GFRA2: variants seen among roughly 807,000 people sequenced by gnomAD.
The protein encoded by GFRA2 is GDNF family receptor alpha 2, also known as GDNF family receptor alpha-2.
GFRA2 carries 17 observed loss-of-function variants against 48.3 expected under a neutral mutation model. The observed-to-expected ratio is 0.35, with a 90% CI of 0.24 to 0.53. The LOEUF (loss-of-function observed/expected upper bound fraction) is 0.53. Ranked by LOEUF, GFRA2 falls within the 20% of genes least tolerant of loss-of-function variation. The pLI, the probability that GFRA2 is intolerant of heterozygous loss-of-function variation, is 0.93. For synonymous variants in GFRA2, 305 were observed against 257.2 expected, an observed-to-expected ratio of 1.19 and a Z score of -1.78; for missense variants, 660 against 637.3, an observed-to-expected ratio of 1.04 and a Z score of -0.38.
intron 7 of GFRA2, among the ~76,000 whole-genome samples, chr8:21,697,154 AGGGACAGAGGATAGGGGAG>A (rs1563211880): frequency 6.9e-5 from 8 of 115,596 alleles, no homozygotes; most frequent in African/African-American, 9.8e-5. Context: ...GGAGAGGGGA[AGGGACAGAGGATAGGGGAG>A]GGGACAGAGG....
At chr8:21,769,266 C>T in intron 3 of GFRA2, 1 of 507,528 alleles carries the variant, frequency 2.0e-6, no homozygotes, top group Non-Finnish European at 2.4e-6. Flanking sequence ...CCGCCCCTGC[C>T]CTGCCCCTTC....
chr8:21,796,400 G>GC (rs1363963841), intron 2 of GFRA2, among the ~76,000 whole-genome samples: 7 of 152,084 alleles, frequency 4.6e-5, no homozygotes, highest in African/African-American at 2.4e-5. Flanking sequence ...GCTGCCTGAC[G>GC]CCCCCCGCAG....
At chr8:21,804,341 C>T (rs927161108) in intron 2 of GFRA2, among the ~76,000 whole-genome samples, 35 of 151,518 alleles carry the variant, frequency 2.3e-4, no homozygotes, top group Middle Eastern at 3.4e-3. Context: ...ATTTCCTCAT[C>T]GGCAAAACGG....
upstream of GFRA2, among the ~76,000 whole-genome samples, chr8:21,793,827 C>T (rs1807620705): frequency 6.6e-6 from 1 of 151,662 alleles, no homozygotes; most frequent in Admixed American, 6.6e-5. Flanking sequence ...CCTCCCTTCC[C>T]TATCCACAAA....
At chr8:21,719,681 C>T (rs1238517855) in intron 4 of GFRA2, among the ~76,000 whole-genome samples, 1 of 152,180 alleles carries the variant, frequency 6.6e-6, no homozygotes, top group Non-Finnish European at 1.5e-5. Context: ...GGTAGCCAGC[C>T]AGCTGAAAGA....
At position 21,705,107 on chromosome 8, in the gene GFRA2, T is replaced by C. The variant is rs1211997162; in HGVS notation, c.923A>G (p.Asn308Ser). ...GCCAGTGGGGCTGGAGTCCACATAGTTAGGTGTCATGTCAAACCCTGGGCA... is the reference window on the plus strand; with the variant it reads ...GCCAGTGGGGCTGGAGTCCACATAGCTAGGTGTCATGTCAAACCCTGGGCA... ...AGMIGFDMTP[N>S]YVDSSPTGIV... The change falls in exon 6 of 9, where the codon AAC becomes AGC. Residue 308 changes from asparagine to serine, a missense_variant. By Grantham distance (46) the Asn-to-Ser change is conservative. Transcript: ENST00000524240. 1.2e-6 allele frequency: 2 copies of C among 1,610,666 alleles called. No individual in the cohort carries two copies. The highest frequency in any genetic ancestry group is 1.7e-6 in the Non-Finnish European group (2 of 1,179,132).
intron 3 of GFRA2, among the ~76,000 whole-genome samples, chr8:21,767,667 G>A (rs1194468305): frequency 2.0e-5 from 3 of 152,316 alleles, no homozygotes; most frequent in South Asian, 2.1e-4. Flanking sequence ...CCTCACACAC[G>A]GAAGGAGAAG....
intron 4 of GFRA2, among the ~76,000 whole-genome samples, chr8:21,721,881 C>A (rs1803615541): frequency 1.3e-5 from 2 of 152,174 alleles, no homozygotes; most frequent in Non-Finnish European, 2.9e-5. Flanking sequence ...CTCGGAGTCA[C>A]AGGCTTCAGG....
chr8:21,739,617 C>T (rs562788313), intron 4 of GFRA2, among the ~76,000 whole-genome samples: 3 of 152,292 alleles, frequency 2.0e-5, no homozygotes, highest in East Asian at 1.9e-4. Flanking sequence ...GACACCCAGG[C>T]GCCACAAGCC....
intron 7 of GFRA2, among the ~76,000 whole-genome samples, chr8:21,699,888 G>C (rs1427595748): frequency 6.6e-6 from 1 of 152,238 alleles, no homozygotes; most frequent in Admixed American, 6.5e-5. Flanking sequence ...CAGCTACGCA[G>C]GGTGACGCAG....
intron 4 of GFRA2, among the ~76,000 whole-genome samples, chr8:21,725,040 C>T (rs1415764787): frequency 6.6e-6 from 1 of 152,234 alleles, no homozygotes; most frequent in African/African-American, 2.4e-5. Context: ...TGCAAACCTT[C>T]CCCAAACCCA....
rs190856652 is a variant in GFRA2 at position 21,705,792 on chromosome 8, G to A, written c.904+140C>T. ...ACTGCCTTTCCCCTGGTTTCCCCTCGCAGCTCTCTGAATCTGATGCAGAGA... is the reference window on the plus strand; with the variant it reads ...ACTGCCTTTCCCCTGGTTTCCCCTCACAGCTCTCTGAATCTGATGCAGAGA... On this transcript the variant is annotated intron_variant, in intron 5 of 8. Transcript: ENST00000524240. The A allele has an allele frequency of 5.6e-4, 338 of 608,956 alleles. No homozygotes were observed. The East Asian group carries it at 8.4e-3, about 15-fold the overall frequency. The allele number at this position is 608,956 out of a possible 1,614,324, so 37.7% of individuals were successfully genotyped here. A position where few individuals can be genotyped will look rare whatever the true frequency, so the allele number is the denominator to read the frequency against.
intron 1 of GFRA2, among the ~76,000 whole-genome samples, chr8:21,784,714 A>G (rs377711666): frequency 0.027 from 4,173 of 152,304 alleles, 114 homozygotes; most frequent in African/African-American, 0.071. Context: ...CCCTTCTCCC[A>G]CTGACCAGAC....
At position 21,770,462 on chromosome 8, in the gene GFRA2, G is replaced by A. The variant is rs1393361119; in HGVS notation, c.439+4510C>T. On this transcript the variant is annotated intron_variant, in intron 3 of 8. Coordinates refer to ENST00000524240, the MANE Select transcript of GFRA2 (RefSeq NM_001495.5). The stretch of plus-strand genomic sequence containing the variant: ...TGGGGCTTAGAGGAGAAGCGCTTCA[G>A]AGGTGGGACAGGGATTGGAATCCCA... 2.6e-5 allele frequency among the ~76,000 whole-genome samples: 4 copies of A among 152,224 alleles called. No individual in the cohort carries two copies. The East Asian group carries it at 7.7e-4, about 29-fold the overall frequency.
At chr8:21,756,820 C>A (rs1470783564) in intron 3 of GFRA2, among the ~76,000 whole-genome samples, 1 of 152,206 alleles carries the variant, frequency 6.6e-6, no homozygotes, top group East Asian at 1.9e-4. Context: ...TGAGACCACA[C>A]AAGACCTGAG....
chr8:21,744,185 G>T lies in GFRA2; in HGVS notation c.794+6403C>A, dbSNP rs946621156. On this transcript the variant is annotated intron_variant, in intron 4 of 8. Coordinates refer to ENST00000524240, the MANE Select transcript of GFRA2 (RefSeq NM_001495.5). ...CCTGAAGATACTGAACACCCCCCAT[G>T]CTGGGCAAGAAAGAGAGTGTGTGGA... 2.0e-5 allele frequency among the ~76,000 whole-genome samples: 3 copies of T among 152,156 alleles called. No individual in the cohort carries two copies. In the South Asian group the frequency reaches 6.2e-4, roughly 32 times the overall value.
At chr8:21,748,615 G>A (rs1293842600) in intron 4 of GFRA2, among the ~76,000 whole-genome samples, 1 of 152,210 alleles carries the variant, frequency 6.6e-6, no homozygotes, top group Non-Finnish European at 1.5e-5. Context: ...ACTCTGAAAT[G>A]TATGGTTGTG....
intron 7 of GFRA2, among the ~76,000 whole-genome samples, chr8:21,702,478 C>T (rs184657266): frequency 6.6e-6 from 1 of 152,176 alleles, no homozygotes; most frequent in Non-Finnish European, 1.5e-5. Context: ...AGCCTGCTGC[C>T]CCACTCAGAC....
chr8:21,780,754 C>T (rs1806945753), intron 2 of GFRA2: 1 of 152,278 alleles, frequency 6.6e-6, no homozygotes, highest in Non-Finnish European at 1.5e-5. Flanking sequence ...ACTGGGTGCC[C>T]TTCTTGACTC....
Sources: gnomAD v4.1 joint callset for allele counts (sites outside exome capture counted in the v4.1 genomes callset) on GRCh38, gnomAD v4.1.1 for gene constraint, MANE v1.5 for transcripts, NCBI Gene and HGNC (gene_info 2026-07-23, HGNC 2026-07-21) for gene names.